Variants in PAX2 observed in about 807,000 individuals in gnomAD.
The protein encoded by PAX2 is paired box protein Pax-2.
Under a neutral mutation model 41.7 loss-of-function variants are expected in PAX2, and 9 were observed. The ratio of observed to expected loss-of-function variants is 0.22; its 90% CI spans 0.13 to 0.38. The LOEUF (loss-of-function observed/expected upper bound fraction) is 0.38. Ranked by LOEUF, PAX2 falls within the 10% of genes least tolerant of loss-of-function variation. PAX2 has a pLI of 1.00. For synonymous variants in PAX2, 221 were observed against 212.7 expected, an observed-to-expected ratio of 1.04 and a Z score of -0.34; for missense variants, 418 against 531.6, an observed-to-expected ratio of 0.79 and a Z score of 2.10.
chr10:100,771,496 C>T (rs892939589), intron 3 of PAX2, among the ~76,000 whole-genome samples: 2 of 152,310 alleles, frequency 1.3e-5, no homozygotes, highest in African/African-American at 2.4e-5. Context: ...ATGCTGTTTC[C>T]TTTGTGTTTC....
At chr10:100,760,448 G>A (rs781006766) in intron 3 of PAX2, among the ~76,000 whole-genome samples, 1 of 152,186 alleles carries the variant, frequency 6.6e-6, no homozygotes, top group African/African-American at 2.4e-5. Context: ...ACAGGGTCCC[G>A]ACACATCTAG....
chr10:100,776,218 AAT>A (rs1846382492), intron 3 of PAX2, among the ~76,000 whole-genome samples: 1 of 152,156 alleles, frequency 6.6e-6, no homozygotes, highest in African/African-American at 2.4e-5. Flanking sequence ...CTTCTGAGGC[AAT>A]AGTCTCCGTT....
At chr10:100,764,437 C>T (rs1041596816) in intron 3 of PAX2, among the ~76,000 whole-genome samples, 13 of 152,010 alleles carry the variant, frequency 8.6e-5, no homozygotes, top group Admixed American at 8.5e-4. Context: ...CCACCGTGGC[C>T]GGCCTGAAAT....
chr10:100,746,354 C>A, intron 1 of PAX2, 51 bp downstream of exon 1: 3 of 1,280,564 alleles, frequency 2.3e-6, no homozygotes, highest in African/African-American at 2.9e-5. Context: ...TCCGTCCCAA[C>A]CCTGTCCAGT....
rs747360721 is a variant in PAX2, at chr10:100,806,417, A to G, written c.617-13A>G. On this transcript the variant is annotated splice_polypyrimidine_tract_variant and intron_variant, in intron 5 of 9. Coordinates refer to ENST00000355243, the MANE Select transcript of PAX2 (RefSeq NM_000278.5). ...CCTGGCGCTAACGCCCCGAGTGTCC[A>G]TGTGTTCTCCAGATGTGTCTGAGGG... 4.3e-6 allele frequency: 7 copies of G among 1,613,972 alleles called. No individual in the cohort carries two copies. The African/African-American group carries it at 5.3e-5, about 12-fold the overall frequency.
chr10:100,828,726 A>AC lies in PAX2; in HGVS notation c.*1108dup, dbSNP rs1265198194. 4.3e-6 allele frequency: 1 copy of AC among 232,078 alleles called. No homozygotes were observed. Among genetic ancestry groups the AC allele is most frequent in the African/African-American group, 2.2e-5 (1 of 44,814 alleles). The allele number at this position is 232,078 out of a possible 1,614,324, so 14.4% of individuals were successfully genotyped here. On this transcript the variant is annotated 3_prime_UTR_variant, in exon 10 of 10. Transcript: ENST00000355243. This position sits in a 1 kb window ranked among gnomAD's most constrained non-coding sequence, Gnocchi z 6.5. ...GTGGAAGTGGGGGGCTGCCCACTCC[A>AC]CTCCTCCCATCCCCTCCCAGCCTCC...
At chr10:100,806,403 C>G in intron 5 of PAX2, 27 bp from the exon 6 acceptor site, 1 of 1,613,152 alleles carries the variant, frequency 6.2e-7, no homozygotes, top group Non-Finnish European at 8.5e-7. Flanking sequence ...CTGGCGCTAA[C>G]GCCCCGAGTG....
intron 3 of PAX2, among the ~76,000 whole-genome samples, chr10:100,769,942 T>G (rs1846157026): frequency 6.6e-6 from 1 of 152,028 alleles, no homozygotes; most frequent in Non-Finnish European, 1.5e-5. Context: ...AGAAATAGAT[T>G]GGAAAGCTAG....
At chr10:100,821,639 A>C (rs1848383168) in intron 7 of PAX2, among the ~76,000 whole-genome samples, 2 of 152,244 alleles carry the variant, frequency 1.3e-5, no homozygotes, top group Admixed American at 1.3e-4. Flanking sequence ...GACTGCATCC[A>C]GGTTAGCTGG....
At chr10:100,758,796 A>G (rs996711608) in intron 3 of PAX2, among the ~76,000 whole-genome samples, 1 of 152,230 alleles carries the variant, frequency 6.6e-6, no homozygotes, top group African/African-American at 2.4e-5. Context: ...ACCTGACTGG[A>G]TGGACTTATC....
chr10:100,751,334 TC>T (rs1293205682), intron 3 of PAX2, among the ~76,000 whole-genome samples: 1 of 152,138 alleles, frequency 6.6e-6, no homozygotes, highest in Non-Finnish European at 1.5e-5. Context: ...CCCTGCCAAC[TC>T]CCACAAAGCT....
intron 5 of PAX2, among the ~76,000 whole-genome samples, chr10:100,785,233 C>T (rs1166952886): frequency 1.3e-5 from 2 of 152,212 alleles, no homozygotes; most frequent in African/African-American, 2.4e-5. Flanking sequence ...GGAAGTCCTT[C>T]GCCTTTACCC....
chr10:100,780,874 C>A (rs536847394), intron 4 of PAX2, among the ~76,000 whole-genome samples: 2 of 152,318 alleles, frequency 1.3e-5, no homozygotes, highest in South Asian at 4.1e-4. Context: ...AGGAGCTGTG[C>A]TCTCTAGAGG....
intron 5 of PAX2, among the ~76,000 whole-genome samples, chr10:100,802,973 A>G (rs1469968286): frequency 6.6e-6 from 1 of 151,548 alleles, no homozygotes; most frequent in African/African-American, 2.4e-5. Flanking sequence ...CCCGTCTGAG[A>G]CTTTGCCCTT....
upstream of PAX2, among the ~76,000 whole-genome samples, chr10:100,742,179 C>G (rs1589800958): frequency 6.6e-5 from 10 of 152,158 alleles, no homozygotes; most frequent in South Asian, 2.1e-3. Context: ...AACCGGAAAA[C>G]AGGAGAAAGG....
rs2133950417 is a variant in PAX2 at position 100,806,512 on chromosome 10, C to T, written c.699C>T (p.Phe233=). Residue 233 remains phenylalanine (F), a synonymous_variant, in exon 6 of 10, where the codon TTC becomes TTT. Coordinates refer to ENST00000355243, the MANE Select transcript of PAX2 (RefSeq NM_000278.5). ...GGAAGCACTTGCGAGCTGACACCTT[C>T]ACCCAGCAGCAGCTGGAAGCTTTGG... ...SLRKHLRADT[F]TQQQLEALDR... The T allele has an allele frequency of 6.2e-7, 1 of 1,614,256 alleles. No individual in the cohort carries two copies. Among genetic ancestry groups the T allele is most frequent in the Non-Finnish European group, 8.5e-7 (1 of 1,180,038 alleles).
At chr10:100,737,775 G>T (rs1004568350) in intron 1 of PAX2, among the ~76,000 whole-genome samples, 2 of 152,214 alleles carry the variant, frequency 1.3e-5, no homozygotes, top group Non-Finnish European at 2.9e-5. Context: ...AGCCCTTTTG[G>T]ACCTCATCCG....
chr10:100,827,201 G>A lies in PAX2; in HGVS notation c.1108+106G>A, dbSNP rs906696826. ...CTCTGGGGACCCGGCCGGGCCAGGG[G>A]GACAGGCTTGTTAGTGCAGCACTGA... On this transcript the variant is annotated intron_variant, in intron 9 of 9. Coordinates refer to ENST00000355243, the MANE Select transcript of PAX2 (RefSeq NM_000278.5). This position sits in a 1 kb window ranked among gnomAD's most constrained non-coding sequence, Gnocchi z 8.5. The A allele has an allele frequency of 6.3e-5, 58 of 914,934 alleles. No homozygotes were observed. The highest frequency in any genetic ancestry group is 6.3e-4 in the Admixed American group (33 of 52,446). 56.7% of individuals were successfully genotyped at this position (914,934 alleles called of 1,614,324 possible).
chr10:100,806,289 G>C, intron 5 of PAX2, 141 bp from the exon 6 acceptor site: 2 of 835,436 alleles, frequency 2.4e-6, no homozygotes, highest in Non-Finnish European at 4.0e-6. Flanking sequence ...AGCCCCACTG[G>C]CCCAGGGGCT....
Sources: allele counts gnomAD v4.1 joint callset (sites outside exome capture counted in the v4.1 genomes callset), GRCh38; gene constraint gnomAD v4.1.1; non-coding constraint Gnocchi (gnomAD v3.1); transcripts MANE v1.5; gene names NCBI Gene and HGNC (gene_info 2026-07-23, HGNC 2026-07-21).